PNPLA7: variants seen among roughly 807,000 people sequenced by gnomAD.
PNPLA7 encodes the protein patatin like domain 7, lysophospholipase.
Under a neutral mutation model 161.7 loss-of-function variants are expected in PNPLA7, and 153 were observed. The ratio of observed to expected loss-of-function variants is 0.95; its 90% CI spans 0.83 to 1.08. The LOEUF is 1.08. PNPLA7 is among the 50% of genes least tolerant of loss of function. PNPLA7 has a pLI of 0.00. For synonymous variants in PNPLA7, 809 were observed against 782.1 expected, an observed-to-expected ratio of 1.03 and a Z score of -0.57; for missense variants, 1,739 against 1,856.6, an observed-to-expected ratio of 0.94 and a Z score of 1.16.
In PNPLA7 at chr9:137,506,015, C is replaced by A. The variant is rs747571962; in HGVS notation, c.1294G>T (p.Asp432Tyr). ...GCCACGGAGCTCCCGGGGTGCTCGT[C>A]CGAGTGCAGGAAGACCCTGGCACGG... is the stretch of plus-strand genomic sequence containing the variant. ...CDRARVFLHS[D>Y]EHPGSSVASK... Residue 432 changes from aspartate to tyrosine, a missense_variant, in exon 13 of 35, where the codon GAC becomes TAC. By Grantham distance (160) the Asp-to-Tyr change is radical. Coordinates refer to ENST00000406427, the MANE Select transcript of PNPLA7 (RefSeq NM_001098537.3). The A allele has an allele frequency of 8.1e-6, 13 of 1,612,642 alleles. No homozygotes were observed. The East Asian group carries it at 2.7e-4, about 33-fold the overall frequency.
intron 1 of PNPLA7, among the ~76,000 whole-genome samples, chr9:137,549,581 A>AT (rs1341218442): frequency 2.0e-5 from 3 of 151,096 alleles, no homozygotes; most frequent in Non-Finnish European, 4.4e-5. Flanking sequence ...AAAAAAAAAA[A>AT]AAAAAAAGTT....
chr9:137,534,461 C>T (rs1036438081), intron 8 of PNPLA7, among the ~76,000 whole-genome samples: 2 of 152,114 alleles, frequency 1.3e-5, no homozygotes, highest in African/African-American at 4.8e-5. Flanking sequence ...CAGACTCCTC[C>T]CCAACAGTGT....
At chr9:137,503,255 C>T (rs79957033) in intron 14 of PNPLA7, among the ~76,000 whole-genome samples, 17 of 152,012 alleles carry the variant, frequency 1.1e-4, no homozygotes, top group African/African-American at 4.1e-4. Flanking sequence ...GTTAGTGAGG[C>T]CTGTGGTTCC....
At chr9:137,474,497 G>A (rs1249676645) in intron 25 of PNPLA7, among the ~76,000 whole-genome samples, 2 of 152,178 alleles carry the variant, frequency 1.3e-5, no homozygotes, top group Non-Finnish European at 2.9e-5. Flanking sequence ...CAAGGAAGGC[G>A]ACGAGCATTC....
In PNPLA7 at chr9:137,461,966, C is replaced by G. The variant is rs372321101; in HGVS notation, c.3721G>C (p.Asp1241His). Reference protein sequence around the residue: ...RSGVLEKMLRDQQGPSKKPAS... With the variant: ...RSGVLEKMLRHQQGPSKKPAS... ...GGCTTCTTGCTCGGCCCCTGCTGGT[C>G]GCGGAGCATCTTCTCCAGCACGCCG... is the stretch of plus-strand genomic sequence containing the variant. The change falls in exon 32 of 35, where the codon GAC becomes CAC. Residue 1241 changes from aspartate to histidine, a missense_variant. Transcript: ENST00000406427. 2.5e-6 allele frequency: 4 copies of G among 1,596,184 alleles called. No individual in the cohort carries two copies. Among genetic ancestry groups the G allele is most frequent in the Non-Finnish European group, 3.4e-6 (4 of 1,174,960 alleles).
chr9:137,514,378 T>A, intron 12 of PNPLA7, among the ~76,000 whole-genome samples: 3 of 97,502 alleles, frequency 3.1e-5, no homozygotes, highest in South Asian at 7.4e-4. Flanking sequence ...TTGAGGTGCC[T>A]GGGCCCTGTG....
rs1836548037 is a variant in PNPLA7, at chr9:137,546,740, G to T, written c.273+90C>A. 3.2e-6 allele frequency: 4 copies of T among 1,243,828 alleles called. No homozygotes were observed. In the Admixed American group the frequency reaches 5.1e-5, roughly 16 times the overall value. 77.0% of individuals were successfully genotyped at this position (1,243,828 alleles called of 1,614,324 possible). On this transcript the variant is annotated intron_variant, in intron 4 of 34. Coordinates refer to ENST00000406427, the MANE Select transcript of PNPLA7 (RefSeq NM_001098537.3). ...GACAGCACACACCAAGCACTGCCCA[G>T]CCTGGGGGAGCCCACAGCAGAAGGG...
rs570822534 is a variant in PNPLA7, at chr9:137,516,319, A to G, written c.1085-800T>C. 1.9e-5 allele frequency: 19 copies of G among 984,156 alleles called. No homozygotes were observed. The East Asian group carries it at 5.8e-4, about 30-fold the overall frequency. The allele number at this position is 984,156 out of a possible 1,614,324, so 61.0% of individuals were successfully genotyped here. On this transcript the variant is annotated intron_variant, in intron 11 of 34. Transcript: ENST00000406427. ...ATCTGCCCCTCAGGTGAAACGAGGA[A>G]GGAGCCTGGCCTTGCCGACCACACA...
intron 32 of PNPLA7, 120 bp from the exon 33 acceptor site, chr9:137,461,740 C>G: frequency 8.1e-7 from 1 of 1,240,380 alleles, no homozygotes. Context: ...GCCTGCCCCC[C>G]AAGTAAGGGC....
Position 137,543,775 on chromosome 9 carries a change from AGGGCAGTGTTCTCCACAAGGGTGTTG to A in PNPLA7, c.288_313del (p.Asn97AlafsTer46). The A allele has an allele frequency of 6.2e-7, 1 of 1,613,948 alleles. No individual in the cohort carries two copies. The highest frequency in any genetic ancestry group is 8.5e-7 in the Non-Finnish European group (1 of 1,179,988). ...CCTCTTCCTGGCCCGCTGCCGGGGC[AGGGCAGTGTTCTCCACAAGGGTGTTG>A]GGGAGTGTGGTCACCTGCAGAGCCA... On this transcript the variant is annotated frameshift_variant, in exon 5 of 35. Coordinates refer to ENST00000406427, the MANE Select transcript of PNPLA7 (RefSeq NM_001098537.3). LOFTEE classifies it high-confidence loss of function. This position sits in a 1 kb window ranked among gnomAD's most constrained non-coding sequence, Gnocchi z 6.9.
chr9:137,504,069 GAAGGAA>G (rs1833763541), intron 14 of PNPLA7, among the ~76,000 whole-genome samples: 1 of 143,882 alleles, frequency 7.0e-6, no homozygotes, highest in African/African-American at 2.6e-5. Flanking sequence ...GAAGAAAGAA[GAAGGAA>G]GAAGAAGAAG....
Position 137,550,175 on chromosome 9 carries a change from C to CT in PNPLA7, c.22dup (p.Ser8LysfsTer5), listed in dbSNP as rs372921391. 0.011 allele frequency: 17,242 copies of CT among 1,613,010 alleles called. 107 individuals carry two copies. The highest frequency in any genetic ancestry group is 0.013 in the Non-Finnish European group (15,526 of 1,179,796). On this transcript the variant is annotated frameshift_variant, in exon 1 of 35. Coordinates refer to ENST00000406427, the MANE Select transcript of PNPLA7 (RefSeq NM_001098537.3). LOFTEE classifies it high-confidence loss of function. The stretch of plus-strand genomic sequence containing the variant: ...GTCCCCCGAGTTACATACCTGTGGG[C>CT]TGTCATCTTTCTCTTCCTCCATGGC...
chr9:137,495,139 G>A lies in PNPLA7; in HGVS notation c.2021C>T (p.Thr674Ile), dbSNP rs1832983075. The A allele has an allele frequency of 6.3e-7, 1 of 1,598,362 alleles. No homozygotes were observed. Among genetic ancestry groups the A allele is most frequent in the African/African-American group, 1.3e-5 (1 of 74,944 alleles). ...GGTCGCCCGGGCCTGGTGGGTCAGT[G>A]TCTCCACCTGAGGACAGGAGCCGGC... ...GRGDLVGVVE[T>I]LTHQARATTV... The change falls in exon 19 of 35, where the codon ACA becomes ATA. Residue 674 changes from threonine to isoleucine, a missense_variant. Physicochemically the swap from Thr to Ile is moderately conservative, Grantham distance 89. This residue lies in a region of PNPLA7 where 481 missense variants were observed against 450.0 expected (regional missense o/e 1.07). Transcript: ENST00000406427.
chr9:137,497,526 AATTATT>A lies in PNPLA7; in HGVS notation c.1890-222_1890-217del, dbSNP rs374698363. Among the ~76,000 whole-genome samples, 425 of 152,300 alleles carry A rather than the reference AATTATT, an allele frequency of 2.8e-3. 2 individuals carry two copies. The highest frequency in any genetic ancestry group is 9.7e-3 in the African/African-American group (403 of 41,558). On this transcript the variant is annotated intron_variant, in intron 17 of 34. Coordinates refer to ENST00000406427, the MANE Select transcript of PNPLA7 (RefSeq NM_001098537.3). ...AATATTCTAAAATTGTCTTGGTTTT[AATTATT>A]ATTATTATTTTTTGAGACGGAGTCT...
chr9:137,516,950 G>A (rs898481435), intron 11 of PNPLA7, among the ~76,000 whole-genome samples: 1 of 151,692 alleles, frequency 6.6e-6, no homozygotes, highest in Non-Finnish European at 1.5e-5. Flanking sequence ...ATGAGTGCAG[G>A]AGTAACACCA....
At chr9:137,521,407 G>T (rs1040400123) in intron 10 of PNPLA7, among the ~76,000 whole-genome samples, 2 of 152,184 alleles carry the variant, frequency 1.3e-5, no homozygotes, top group African/African-American at 4.8e-5. Flanking sequence ...GGAACACAAG[G>T]CCCCAGGAGA....
chr9:137,479,972 T>A, intron 23 of PNPLA7: 1 of 899,958 alleles, frequency 1.1e-6, no homozygotes. Context: ...CTAAGTGCTG[T>A]GGAGAAAAGC....
In PNPLA7 at chr9:137,523,351, G is replaced by A. The variant is rs1036971890; in HGVS notation, c.748-494C>T. Among the ~76,000 whole-genome samples, 27 of 152,078 alleles carry A rather than the reference G, an allele frequency of 1.8e-4. No homozygotes were observed. Among genetic ancestry groups the A allele is most frequent in the Admixed American group, 3.3e-4 (5 of 15,272 alleles). ...GGGGTCACCGCCTAGGACAGGGAGC[G>A]CGCACTGCCGGGTCGCACGAGGCCC... On this transcript the variant is annotated intron_variant, in intron 8 of 34. Coordinates refer to ENST00000406427, the MANE Select transcript of PNPLA7 (RefSeq NM_001098537.3). The surrounding 1 kb of genome is among the most constrained non-coding windows in gnomAD (Gnocchi z 4.4).
chr9:137,522,369 C>G (rs190979050), intron 9 of PNPLA7, among the ~76,000 whole-genome samples: 1 of 144,082 alleles, frequency 6.9e-6, no homozygotes, highest in Admixed American at 6.9e-5. Context: ...CCGCCGCGCC[C>G]GGCCAAGAGA....
Sources: gnomAD v4.1 joint callset for allele counts (sites outside exome capture counted in the v4.1 genomes callset) on GRCh38, gnomAD v4.1.1 for gene constraint, gnomAD v4.1.1 regional missense constraint, Gnocchi (gnomAD v3.1) non-coding constraint, MANE v1.5 for transcripts, NCBI Gene and HGNC (gene_info 2026-07-23, HGNC 2026-07-21) for gene names.